Variants in DOCK1 observed in about 807,000 individuals in gnomAD.
The protein encoded by DOCK1 is dedicator of cytokinesis protein 1.
In DOCK1, 138 loss-of-function variants were observed where a neutral mutation model predicts 262.7. The observed-to-expected ratio is 0.53, with a 90% CI of 0.46 to 0.61. The LOEUF is 0.61. Ranked by LOEUF, DOCK1 falls within the 20% of genes least tolerant of loss-of-function variation. The probability of loss-of-function intolerance (pLI) is 0.00; values close to 1 mark genes in which losing one functional copy is unlikely to be tolerated. For synonymous variants in DOCK1, 866 were observed against 867.4 expected (o/e 1.00, Z 0.03); for missense variants, 1,908 against 2,370.7 (o/e 0.80, Z 4.05).
At chr10:127,135,772 T>C (rs1312800505) in intron 27 of DOCK1, 4 of 152,632 alleles carry the variant, frequency 2.6e-5, no homozygotes, top group African/African-American at 4.8e-5. Flanking sequence ...AACAGTGACA[T>C]TATTTTGTGT....
intron 23 of DOCK1, among the ~76,000 whole-genome samples, chr10:127,093,242 C>CTTTCTTTTCTTTTCTTTCTTTCTTTCTTT (rs2047677186): frequency 1.3e-5 from 1 of 79,342 alleles, no homozygotes. Flanking sequence ...TTTCTTTCTT[C>CTTTCTTTTCTTTTCTTTCTTTCTTTCTTT]TTTTTTTTTT....
intron 1 of DOCK1, among the ~76,000 whole-genome samples, chr10:126,914,908 C>T (rs936607376): frequency 2.6e-5 from 4 of 152,176 alleles, no homozygotes; most frequent in Non-Finnish European, 5.9e-5. Context: ...GTCTGCCCTC[C>T]ACTGCCCTTC....
chr10:126,929,922 A>G (rs1021710110), intron 1 of DOCK1, among the ~76,000 whole-genome samples: 9,084 of 152,264 alleles, frequency 0.06, 341 homozygotes, highest in Middle Eastern at 0.12. Context: ...AGACATTTCT[A>G]TCACTCCAAA....
chr10:127,332,578 C>T (rs972481878), intron 29 of DOCK1, among the ~76,000 whole-genome samples: 5 of 152,110 alleles, frequency 3.3e-5, no homozygotes, highest in African/African-American at 1.2e-4. Flanking sequence ...CCCAGTTGAT[C>T]TCTCTCACCT....
intron 27 of DOCK1, among the ~76,000 whole-genome samples, chr10:127,187,756 GAGAA>G (rs1201428041): frequency 1.8e-5 from 2 of 113,830 alleles, no homozygotes; most frequent in Admixed American, 9.0e-5. Flanking sequence ...GAGAGAAAGA[GAGAA>G]AGAAAGAAAA....
chr10:127,207,731 C>G (rs1038148284), intron 27 of DOCK1, among the ~76,000 whole-genome samples: 1 of 152,136 alleles, frequency 6.6e-6, no homozygotes, highest in Non-Finnish European at 1.5e-5. Flanking sequence ...TCATGAAAAC[C>G]CAGCTCTGCT....
intron 29 of DOCK1, among the ~76,000 whole-genome samples, chr10:127,330,423 A>C (rs1331566084): frequency 6.7e-6 from 1 of 148,868 alleles, no homozygotes; most frequent in East Asian, 1.9e-4. Context: ...AAAAAAAAAC[A>C]GGGAAATAAC....
chr10:127,037,641 C>A, intron 18 of DOCK1, 78 bp from the exon 19 acceptor site: 1 of 1,261,254 alleles, frequency 7.9e-7, no homozygotes, highest in Non-Finnish European at 1.1e-6. Flanking sequence ...TATAGAGAAC[C>A]TCACATAATG....
intron 1 of DOCK1, among the ~76,000 whole-genome samples, chr10:126,931,957 G>A (rs2034221709): frequency 1.3e-5 from 2 of 152,316 alleles, no homozygotes; most frequent in South Asian, 4.2e-4. Flanking sequence ...TTGTCAGGTA[G>A]TAGAAAGGCA....
intron 25 of DOCK1, among the ~76,000 whole-genome samples, chr10:127,115,582 G>A (rs2049130338): frequency 3.3e-5 from 5 of 152,188 alleles, no homozygotes; most frequent in Admixed American, 3.3e-4. Context: ...GAAAATTAAA[G>A]CTTAAATCTT....
At position 127,415,253 on chromosome 10, in the gene DOCK1, A is replaced by G; in HGVS notation, c.4515+15A>G. ...CTGTTTTCATGGTAAGGATGGCCCCACCCCAGAAGGAATTGTCCGTTCCCT... is the reference window on the plus strand; with the variant it reads ...CTGTTTTCATGGTAAGGATGGCCCCGCCCCAGAAGGAATTGTCCGTTCCCT... On this transcript the variant is annotated intron_variant, in intron 44 of 51. Transcript: ENST00000623213. 3 of 1,609,850 alleles carry G rather than the reference A, an allele frequency of 1.9e-6. No individual in the cohort carries two copies. Among genetic ancestry groups the G allele is most frequent in the Non-Finnish European group, 2.5e-6 (3 of 1,177,742 alleles).
intron 29 of DOCK1, among the ~76,000 whole-genome samples, chr10:127,287,869 A>G (rs920753264): frequency 3.3e-5 from 5 of 152,210 alleles, no homozygotes; most frequent in Non-Finnish European, 7.3e-5. Context: ...GCAGCCAATG[A>G]TGATCATTGA....
At chr10:127,295,728 T>C (rs572750740) in intron 29 of DOCK1, among the ~76,000 whole-genome samples, 11 of 151,284 alleles carry the variant, frequency 7.3e-5, no homozygotes, top group Admixed American at 1.3e-4. Context: ...GGGGCCAAGG[T>C]TGCTTAAACA....
intron 27 of DOCK1, among the ~76,000 whole-genome samples, chr10:127,158,296 A>C (rs953323051): frequency 6.6e-6 from 1 of 152,212 alleles, no homozygotes; most frequent in Admixed American, 6.5e-5. Flanking sequence ...AAAACTTTAA[A>C]CTGCTAGAGC....
At chr10:127,191,451 G>T (rs2056751010) in intron 27 of DOCK1, among the ~76,000 whole-genome samples, 1 of 151,974 alleles carries the variant, frequency 6.6e-6, no homozygotes, top group African/African-American at 2.4e-5. Context: ...AAAATCCCAG[G>T]TTTTATATCT....
chr10:127,195,532 C>T (rs1343909805), intron 27 of DOCK1, among the ~76,000 whole-genome samples: 1 of 152,012 alleles, frequency 6.6e-6, no homozygotes, highest in Non-Finnish European at 1.5e-5. Context: ...ATCCCCCCCC[C>T]GAAGTTAATC....
chr10:127,285,682 G>A (rs535257655), intron 29 of DOCK1, among the ~76,000 whole-genome samples: 106 of 152,338 alleles, frequency 7.0e-4, no homozygotes, highest in African/African-American at 1.9e-3. Flanking sequence ...CGGTCAGACC[G>A]CCAAGGTCAT....
intron 27 of DOCK1, among the ~76,000 whole-genome samples, chr10:127,142,991 A>AG (rs1285926883): frequency 6.6e-6 from 1 of 152,108 alleles, no homozygotes; most frequent in Non-Finnish European, 1.5e-5. Flanking sequence ...TTCTTCCCAG[A>AG]GACTGTGCTA....
intron 30 of DOCK1, among the ~76,000 whole-genome samples, chr10:127,340,497 G>A (rs1215071887): frequency 6.6e-6 from 1 of 152,068 alleles, no homozygotes; most frequent in Non-Finnish European, 1.5e-5. Context: ...AGCCATTTCT[G>A]CACTGATAAC....
Sources: allele counts gnomAD v4.1 joint callset (sites outside exome capture counted in the v4.1 genomes callset), GRCh38; gene constraint gnomAD v4.1.1; transcripts MANE v1.5; gene names NCBI Gene and HGNC (gene_info 2026-07-23, HGNC 2026-07-21).